ZNF823: variants seen among roughly 807,000 people sequenced by gnomAD.
ZNF823 encodes the protein ZFP 36 for a zinc finger protein.
ZNF823 carries 5 observed loss-of-function variants against 11.4 expected under a neutral mutation model. That is an observed-to-expected ratio of 0.44 (90% CI 0.23 to 0.92). ZNF823 has a LOEUF of 0.92. ZNF823 is among the 40% of genes least tolerant of loss of function. The pLI, the probability that ZNF823 is intolerant of heterozygous loss-of-function variation, is 0.24. For missense variants in ZNF823, 582 were observed against 738.5 expected (o/e 0.79, Z 2.46); for synonymous variants, 234 against 250.5 (o/e 0.93, Z 0.62).
chr19:11,735,217 G>A (rs1181156789), intron 1 of ZNF823, among the ~76,000 whole-genome samples: 3 of 148,148 alleles, frequency 2.0e-5, no homozygotes, highest in Non-Finnish European at 4.4e-5. Context: ...AGAAATTGCA[G>A]TGAGCTGAGA....
chr19:11,735,202 G>C (rs974709621), intron 1 of ZNF823, among the ~76,000 whole-genome samples: 20 of 148,988 alleles, frequency 1.3e-4, no homozygotes, highest in Non-Finnish European at 2.7e-4. Context: ...TTGAACCTGG[G>C]AGGCAGAAAT....
chr19:11,724,708 G>A (rs1463283199), intron 2 of ZNF823, among the ~76,000 whole-genome samples: 3 of 151,624 alleles, frequency 2.0e-5, no homozygotes, highest in Admixed American at 6.6e-5. Context: ...ACAGGTGTCC[G>A]CCATCACGCC....
rs1974703764 is a variant in ZNF823, at chr19:11,722,416, G to A, written c.1118C>T (p.Ser373Leu). ...KQCGKVLSHS[S>L]SFRSHMITHT... ...TGTTATCATGTGACTTCGAAAGCTC[G>A]AGCTATGAGATAACACTTTCCCACA... The change falls in exon 4 of 4, where the codon TCG becomes TTG. Residue 373 changes from serine to leucine, a missense_variant. By Grantham distance (145) the Ser-to-Leu change is moderately radical. This residue lies in a region of ZNF823 where 429 missense variants were observed against 553.7 expected (regional missense o/e 0.77). Transcript: ENST00000341191. This position sits in a 1 kb window ranked among gnomAD's most constrained non-coding sequence, Gnocchi z 5.2. 1 of 1,613,716 alleles carries A rather than the reference G, an allele frequency of 6.2e-7. No homozygotes were observed. Among genetic ancestry groups the A allele is most frequent in the Non-Finnish European group, 8.5e-7 (1 of 1,179,904 alleles).
In ZNF823 at chr19:11,723,066, C is replaced by A; in HGVS notation, c.468G>T (p.Arg156Ser). ...SHQHSFQTHERPPTGKKPFDC... is the reference protein window; with the variant it reads ...SHQHSFQTHESPPTGKKPFDC... ...CGAAGGGTTTCTTTCCGGTGGGGGG[C>A]CTTTCATGTGTCTGGAAGGAGTGCT... Residue 156 changes from arginine to serine, a missense_variant, in exon 4 of 4, where the codon AGG (arginine) becomes AGT (serine). Arg to Ser is a moderately radical substitution (Grantham distance 110, BLOSUM62 -1). Around this residue, in one of 3 missense-constraint regions of ZNF823, gnomAD observed 429 missense variants for 553.7 expected, o/e 0.77. Transcript: ENST00000341191. 2 of 1,614,106 alleles carry A rather than the reference C, an allele frequency of 1.2e-6. No homozygotes were observed. Among genetic ancestry groups the A allele is most frequent in the Non-Finnish European group, 1.7e-6 (2 of 1,180,026 alleles).
chr19:11,725,422 C>T, intron 1 of ZNF823, 95 bp from the exon 2 acceptor site: 1 of 1,540,748 alleles, frequency 6.5e-7, no homozygotes, highest in Non-Finnish European at 8.9e-7. Context: ...GCTGTGGTTT[C>T]CAAGCATTTA....
chr19:11,725,794 T>C (rs1339784639), intron 1 of ZNF823, among the ~76,000 whole-genome samples: 4 of 152,138 alleles, frequency 2.6e-5, no homozygotes, highest in African/African-American at 9.7e-5. Flanking sequence ...GTGCCTAAAC[T>C]GTTTATGCAA....
At chr19:11,724,085 G>T in intron 3 of ZNF823, 109 bp downstream of exon 3, 1 of 885,186 alleles carries the variant, frequency 1.1e-6, no homozygotes, top group Non-Finnish European at 1.7e-6. Context: ...TTATTGGAAT[G>T]AATAAATTTA....
chr19:11,729,256 TTAAATA>T (rs1974851552), intron 1 of ZNF823, among the ~76,000 whole-genome samples: 2 of 151,852 alleles, frequency 1.3e-5, no homozygotes, highest in Admixed American at 6.6e-5. Flanking sequence ...TGCAAATACA[TTAAATA>T]TAAAGGTATG....
At chr19:11,734,234 C>T (rs907358649) in intron 1 of ZNF823, among the ~76,000 whole-genome samples, 4 of 145,340 alleles carry the variant, frequency 2.8e-5, no homozygotes, top group African/African-American at 1.1e-4. Flanking sequence ...GAGTGAGACT[C>T]TGTCTCAAAA....
intron 1 of ZNF823, among the ~76,000 whole-genome samples, chr19:11,731,745 C>A (rs1486846416): frequency 6.6e-6 from 1 of 152,182 alleles, no homozygotes; most frequent in South Asian, 2.1e-4. Context: ...CGCAGTGGCT[C>A]ACGCCTGTAA....
At chr19:11,738,174 G>T (rs1255163879) in intron 1 of ZNF823, among the ~76,000 whole-genome samples, 1 of 152,174 alleles carries the variant, frequency 6.6e-6, no homozygotes, top group Non-Finnish European at 1.5e-5. Flanking sequence ...CTTCCTCATC[G>T]TGCCCGGGGA....
In ZNF823 at chr19:11,726,322, C is replaced by T. The variant is rs1285987869; in HGVS notation, c.4-995G>A. 7.5e-5 allele frequency among the ~76,000 whole-genome samples: 8 copies of T among 106,930 alleles called. No individual in the cohort carries two copies. In the East Asian group the frequency reaches 9.0e-4, roughly 12 times the overall value. 70.2% of individuals were successfully genotyped at this position (106,930 alleles called of 152,430 possible). On this transcript the variant is annotated intron_variant, in intron 1 of 3. Transcript: ENST00000341191. ...TATATATATATAAATTTTTTTTTAA[C>T]TTAACTCCTATTCCCCCTCTGAGAG...
intron 1 of ZNF823, among the ~76,000 whole-genome samples, chr19:11,734,690 A>C (rs1033563837): frequency 1.3e-5 from 2 of 152,078 alleles, no homozygotes; most frequent in Non-Finnish European, 2.9e-5. Context: ...GGCGTGTGCC[A>C]CCACACCTGG....
At chr19:11,724,386 T>C in intron 2 of ZNF823, 132 bp from the exon 3 acceptor site, 2 of 748,886 alleles carry the variant, frequency 2.7e-6, no homozygotes, top group Non-Finnish European at 2.1e-6. Flanking sequence ...AACACAGGTT[T>C]GAACTGCACA....
intron 1 of ZNF823, among the ~76,000 whole-genome samples, chr19:11,729,394 A>G (rs1228213609): frequency 6.6e-6 from 1 of 152,238 alleles, no homozygotes; most frequent in African/African-American, 2.4e-5. Flanking sequence ...ATAAAGATAA[A>G]GAAGTCAGTT....
intron 1 of ZNF823, among the ~76,000 whole-genome samples, chr19:11,733,522 G>T (rs1489218594): frequency 4.0e-5 from 6 of 151,650 alleles, no homozygotes; most frequent in African/African-American, 1.5e-4. Context: ...GCAACATGGC[G>T]AAACTGTCTT....
At chr19:11,732,505 T>C (rs1974918883) in intron 1 of ZNF823, among the ~76,000 whole-genome samples, 1 of 151,348 alleles carries the variant, frequency 6.6e-6, no homozygotes, top group South Asian at 2.1e-4. Flanking sequence ...TTCACCGTGT[T>C]AGCCAGGATG....
At chr19:11,729,817 T>C (rs890186298) in intron 1 of ZNF823, among the ~76,000 whole-genome samples, 11 of 152,208 alleles carry the variant, frequency 7.2e-5, no homozygotes, top group Non-Finnish European at 1.3e-4. Flanking sequence ...ATTTAGGCAT[T>C]AGGTCACCTT....
At chr19:11,733,138 G>C (rs1210177391) in intron 1 of ZNF823, among the ~76,000 whole-genome samples, 1 of 152,136 alleles carries the variant, frequency 6.6e-6, no homozygotes, top group African/African-American at 2.4e-5. Context: ...GGAGGCTGAG[G>C]TGGGCAGATC....
Sources: allele counts gnomAD v4.1 joint callset (sites outside exome capture counted in the v4.1 genomes callset), GRCh38; gene constraint gnomAD v4.1.1; regional missense constraint gnomAD v4.1.1; non-coding constraint Gnocchi (gnomAD v3.1); transcripts MANE v1.5; gene names NCBI Gene and HGNC (gene_info 2026-07-23, HGNC 2026-07-21).